The following SPATA7 variants were observed in gnomAD, a reference collection of about 807,000 sequenced individuals.
The protein encoded by SPATA7 is spermatogenesis-associated protein 7.
A neutral mutation model predicts 51.8 loss-of-function variants in SPATA7; 43 were observed. The ratio of observed to expected loss-of-function variants is 0.83; its 90% CI spans 0.65 to 1.07. SPATA7 has a LOEUF of 1.07. SPATA7 is among the 50% of genes least tolerant of loss of function. The pLI is 0.00. For synonymous variants in SPATA7, 230 were observed against 252.8 expected (o/e 0.91, Z 0.86); for missense variants, 683 against 701.3 (o/e 0.97, Z 0.30).
intron 4 of SPATA7, among the ~76,000 whole-genome samples, chr14:88,396,875 C>CTTTTTTTTTTTTTTTTTTTT: frequency 7.2e-6 from 1 of 138,532 alleles, no homozygotes; most frequent in Non-Finnish European, 1.5e-5. Context: ...TTTCTTTTTT[C>CTTTTTTTTTTTTTTTTTTTT]TTTTTTTTTT....
chr14:88,410,472 C>T (rs1467523811), intron 4 of SPATA7, among the ~76,000 whole-genome samples: 2 of 151,820 alleles, frequency 1.3e-5, no homozygotes, highest in Non-Finnish European at 2.9e-5. Context: ...GGAGAAGAGG[C>T]GTTCTGGTTT....
intron 3 of SPATA7, among the ~76,000 whole-genome samples, chr14:88,444,316 C>G (rs1213501939): frequency 1.3e-5 from 2 of 152,138 alleles, no homozygotes; most frequent in Non-Finnish European, 2.9e-5. Flanking sequence ...CCTTTGCCCA[C>G]TTTTTAATGG....
intron 5 of SPATA7, among the ~76,000 whole-genome samples, chr14:88,420,043 A>T (rs867491301): frequency 3.9e-5 from 6 of 152,144 alleles, no homozygotes; most frequent in Admixed American, 1.3e-4. Flanking sequence ...AAGTGAAGGG[A>T]TATTTTCCCC....
At chr14:88,465,165 T>C (rs2077348291) in intron 4 of SPATA7, among the ~76,000 whole-genome samples, 2 of 152,160 alleles carry the variant, frequency 1.3e-5, no homozygotes, top group Admixed American at 6.5e-5. Context: ...CCAAATGATA[T>C]TCTAAAATGA....
chr14:88,461,505 A>C (rs1378440242), intron 4 of SPATA7, among the ~76,000 whole-genome samples: 1 of 152,100 alleles, frequency 6.6e-6, no homozygotes, highest in East Asian at 1.9e-4. Context: ...GGACCCTCCG[A>C]GCCAGGTGTG....
At chr14:88,397,643 GAA>G (rs762638350) in intron 4 of SPATA7, among the ~76,000 whole-genome samples, 6 of 70,748 alleles carry the variant, frequency 8.5e-5, no homozygotes, top group Admixed American at 2.5e-4. Context: ...GCTGTCTCAA[GAA>G]AAAAAAAAAA....
chr14:88,420,330 T>C (rs1190541979), intron 5 of SPATA7, among the ~76,000 whole-genome samples: 1 of 152,228 alleles, frequency 6.6e-6, no homozygotes, highest in African/African-American at 2.4e-5. Context: ...CATAATCTTA[T>C]CAATTTATGT....
intron 10 of SPATA7, among the ~76,000 whole-genome samples, chr14:88,433,753 C>G (rs2077000428): frequency 6.6e-6 from 1 of 152,140 alleles, no homozygotes; most frequent in Non-Finnish European, 1.5e-5. Context: ...GCACTGAGCT[C>G]TACTTTGTGT....
At chr14:88,421,412 C>T (rs767839715) in intron 5 of SPATA7, among the ~76,000 whole-genome samples, 8 of 152,158 alleles carry the variant, frequency 5.3e-5, no homozygotes, top group Non-Finnish European at 1.0e-4. Flanking sequence ...GCCAGATTGA[C>T]TGCTCTGCTT....
rs752911477 is a variant in SPATA7 at position 88,416,710 on chromosome 14, G to C, written c.239-1G>C. ...TTTGAAAGATTTGTTTTCCCTTTTA[G>C]ATGCAGACCAACAACGAAGAGAGAA... On this transcript the variant is annotated splice_acceptor_variant, in intron 4 of 11. Coordinates refer to ENST00000393545, the MANE Select transcript of SPATA7 (RefSeq NM_018418.5). LOFTEE classifies it high-confidence loss of function. The C allele has an allele frequency of 6.2e-7, 1 of 1,612,864 alleles. No homozygotes were observed. Among genetic ancestry groups the C allele is most frequent in the Non-Finnish European group, 8.5e-7 (1 of 1,179,598 alleles).
intron 3 of SPATA7, among the ~76,000 whole-genome samples, chr14:88,443,951 C>T (rs1436960892): frequency 6.6e-6 from 1 of 151,876 alleles, no homozygotes; most frequent in African/African-American, 2.4e-5. Flanking sequence ...CATACGTGTG[C>T]ATGTGTCTTT....
At chr14:88,466,512 A>T (rs1471558588) in intron 4 of SPATA7, 1 of 152,224 alleles carries the variant, frequency 6.6e-6, no homozygotes, top group Non-Finnish European at 1.5e-5. Context: ...GAATAGTGTA[A>T]TTTGGGAAAC....
chr14:88,449,171 A>T (rs1157818889), intron 3 of SPATA7, among the ~76,000 whole-genome samples: 1 of 151,174 alleles, frequency 6.6e-6, no homozygotes, highest in Non-Finnish European at 1.5e-5. Context: ...GTCTATTTGT[A>T]CTCTTTCAGA....
chr14:88,430,734 G>C (rs1051257558), intron 8 of SPATA7, among the ~76,000 whole-genome samples: 10 of 152,076 alleles, frequency 6.6e-5, no homozygotes. Context: ...ATTAACCTTG[G>C]AAAGTTACTT....
rs1434033249 is a variant in SPATA7 at position 88,427,673 on chromosome 14, G to A, written c.889G>A (p.Asp297Asn). ...GACAGCTGAGACTAAAAACATGACA[G>A]ATTCAGAAATGAACATAAAGCAGGT... Reference protein sequence around the residue: ...LGTAETKNMTDSEMNIKQASN... With the variant: ...LGTAETKNMTNSEMNIKQASN... Residue 297 changes from aspartate to asparagine, a missense_variant, in exon 7 of 12, where the codon GAT (aspartate) becomes AAT (asparagine). Transcript: ENST00000393545. The A allele has an allele frequency of 6.2e-7, 1 of 1,609,926 alleles. No individual in the cohort carries two copies. Among genetic ancestry groups the A allele is most frequent in the East Asian group, 2.2e-5 (1 of 44,730 alleles).
intron 5 of SPATA7, 63 bp from the exon 6 acceptor site, chr14:88,426,169 T>G (rs555013635): frequency 8.1e-7 from 1 of 1,228,268 alleles, no homozygotes; most frequent in African/African-American, 1.5e-5. Context: ...ATGTATAATC[T>G]CAAAATCCCC....
intron 10 of SPATA7, among the ~76,000 whole-genome samples, chr14:88,434,945 A>T (rs1267664621): frequency 1.3e-5 from 2 of 152,174 alleles, no homozygotes; most frequent in African/African-American, 4.8e-5. Context: ...AATGATAACA[A>T]AGGAAATTAG....
intron 1 of SPATA7, among the ~76,000 whole-genome samples, chr14:88,390,782 GTAT>G (rs1455970503): frequency 6.6e-6 from 1 of 152,100 alleles, no homozygotes; most frequent in Non-Finnish European, 1.5e-5. Flanking sequence ...GAGTTTGTTG[GTAT>G]TTTTTCTTAT....
chr14:88,391,332 AG>A (rs762414841), intron 1 of SPATA7, 48 bp from the exon 2 acceptor site: 1 of 1,395,146 alleles, frequency 7.2e-7, no homozygotes, highest in Non-Finnish European at 1.0e-6. Flanking sequence ...TTTTTGTAAA[AG>A]TTGTGTTTCA....
Sources: allele counts gnomAD v4.1 joint callset (sites outside exome capture counted in the v4.1 genomes callset), GRCh38; gene constraint gnomAD v4.1.1; transcripts MANE v1.5; gene names NCBI Gene and HGNC (gene_info 2026-07-23, HGNC 2026-07-21).